Variants in SMARCA4 observed in about 807,000 individuals in gnomAD.
The protein encoded by SMARCA4 is SWI/SNF related BAF chromatin remodeling complex subunit ATPase 4, also known as SWI/SNF-related matrix-associated actin-dependent regulator of chromatin subfamily A member 4.
In SMARCA4, 31 loss-of-function variants were observed where a neutral mutation model predicts 193.9. The observed-to-expected ratio is 0.16, with a 90% confidence interval of 0.12 to 0.22. SMARCA4 has a LOEUF of 0.22. Among genes scored for constraint, SMARCA4 ranks in the 10% least tolerant of loss-of-function variants. SMARCA4 has a pLI of 1.00. For missense variants in SMARCA4, 1,148 were observed against 2,296.0 expected, an observed-to-expected ratio of 0.50 and a Z score of 10.22; for synonymous variants, 942 against 933.1, an observed-to-expected ratio of 1.01 and a Z score of -0.17.
chr19:11,049,078 G>T (rs895963832), intron 30 of SMARCA4, among the ~76,000 whole-genome samples: 1 of 152,196 alleles, frequency 6.6e-6, no homozygotes, highest in African/African-American at 2.4e-5. Context: ...CTGTCCAGGG[G>T]CTTGTGGTGG....
chr19:11,018,540 A>G (rs574618562), intron 16 of SMARCA4, among the ~76,000 whole-genome samples: 11 of 152,146 alleles, frequency 7.2e-5, no homozygotes, highest in Non-Finnish European at 1.6e-4. Flanking sequence ...GGTGGCAGAA[A>G]GACTGTTTGG....
chr19:11,025,700 C>A (rs537151036), intron 22 of SMARCA4, 192 bp downstream of exon 22: 10 of 607,216 alleles, frequency 1.6e-5, no homozygotes, highest in Non-Finnish European at 3.1e-5. Context: ...TAGGGCGCAA[C>A]GTGCGATAGG....
rs760294422 is a variant in SMARCA4, at chr19:10,986,521, C to G, written c.688C>G (p.Pro230Ala). Residue 230 changes from proline to alanine, a missense_variant, in exon 4 of 35, where the codon CCC becomes GCC. Pro to Ala is a conservative substitution (Grantham distance 27). Around this residue, in one of 17 missense-constraint regions of SMARCA4, gnomAD observed 257 missense variants for 276.5 expected, o/e 0.93. Transcript: ENST00000344626. This position sits in a 1 kb window ranked among gnomAD's most constrained non-coding sequence, Gnocchi z 6.7. ...LPPPSVSATG[P>A]GPGPGPGPGP... ...TCCACCCTCGGTGTCCGCAACAGGA[C>G]CCGGCCCTGGCCCTGGCCCTGGCCC... The G allele has an allele frequency of 1.3e-6, 2 of 1,543,904 alleles. No homozygotes were observed. Among genetic ancestry groups the G allele is most frequent in the East Asian group, 4.9e-5 (2 of 40,906 alleles).
At chr19:10,972,146 A>T (rs1290514129) in intron 1 of SMARCA4, among the ~76,000 whole-genome samples, 1 of 151,852 alleles carries the variant, frequency 6.6e-6, no homozygotes, top group African/African-American at 2.4e-5. Context: ...TTTAGTAGAG[A>T]TGAGTTTTAA....
intron 1 of SMARCA4, among the ~76,000 whole-genome samples, chr19:10,978,049 G>A (rs1245697200): frequency 2.0e-5 from 3 of 152,166 alleles, no homozygotes; most frequent in African/African-American, 4.8e-5. Context: ...GGCCCAGTGC[G>A]GGGAGTCTCA....
chr19:11,021,459 A>T, intron 18 of SMARCA4: 1 of 586,946 alleles, frequency 1.7e-6, no homozygotes, highest in Non-Finnish European at 3.2e-6. Flanking sequence ...GGGAAGCCAG[A>T]TTGCTTTTTT....
In SMARCA4 at chr19:10,985,529, T is replaced by G. The variant is rs1599943475; in HGVS notation, c.355+124T>G. ...ACCTAGGATGATGTAGCCGGGTGGG[T>G]GGCCCGCCACAGAGAGCTGTCTGGC... is the stretch of plus-strand genomic sequence containing the variant. On this transcript the variant is annotated intron_variant, in intron 3 of 34. Coordinates refer to ENST00000344626, the MANE Select transcript of SMARCA4 (RefSeq NM_003072.5). This position sits in a 1 kb window ranked among gnomAD's most constrained non-coding sequence, Gnocchi z 4.5. 8.2e-7 allele frequency: 1 copy of G among 1,212,472 alleles called. No homozygotes were observed. Among genetic ancestry groups the G allele is most frequent in the South Asian group, 1.3e-5 (1 of 75,548 alleles). The allele number at this position is 1,212,472 out of a possible 1,614,324, so 75.1% of individuals were successfully genotyped here. A position where few individuals can be genotyped will look rare whatever the true frequency, so the allele number is the denominator to read the frequency against.
intron 9 of SMARCA4, chr19:10,995,478 AGAGTAGTGGAT>A (rs1250973749): frequency 2.2e-6 from 1 of 457,082 alleles, no homozygotes; most frequent in Non-Finnish European, 4.4e-6. Flanking sequence ...TGAAGCAAAC[AGAGTAGTGGAT>A]GGTGACCGCT....
intron 30 of SMARCA4, among the ~76,000 whole-genome samples, chr19:11,055,487 C>T (rs75957461): frequency 0.1 from 15,520 of 151,932 alleles, 1,180 homozygotes; most frequent in African/African-American, 0.21. Flanking sequence ...TGCGCCCAGC[C>T]GCACCTTGTT....
intron 30 of SMARCA4, among the ~76,000 whole-genome samples, chr19:11,046,566 A>T (rs2075932145): frequency 6.6e-6 from 1 of 152,256 alleles, no homozygotes; most frequent in African/African-American, 2.4e-5. Context: ...TGAGTGCTGG[A>T]AGCACAGCAG....
At chr19:10,996,939 A>G (rs2087116384) in intron 11 of SMARCA4, among the ~76,000 whole-genome samples, 1 of 151,926 alleles carries the variant, frequency 6.6e-6, no homozygotes, top group Admixed American at 6.6e-5. Context: ...CGGATGGCTC[A>G]CTGCAGCCTT....
At position 11,033,787 on chromosome 19, in the gene SMARCA4, C is replaced by T. The variant is rs760491416; in HGVS notation, c.3795C>T (p.Gly1265=). The T allele has an allele frequency of 3.8e-6, 3 of 779,846 alleles. No homozygotes were observed. Among genetic ancestry groups the T allele is most frequent in the African/African-American group, 3.4e-5 (2 of 59,146 alleles). 48.3% of individuals were successfully genotyped at this position (779,846 alleles called of 1,614,324 possible). A position where few individuals can be genotyped will look rare whatever the true frequency, so the allele number is the denominator to read the frequency against. The change falls in exon 27 of 35, where the codon GGC becomes GGT. Residue 1265 remains glycine, a synonymous_variant. Transcript: ENST00000344626. The surrounding 1 kb of genome is among the most constrained non-coding windows in gnomAD (Gnocchi z 9.8). ...CACAGAGCAGACACTGCAGCACGGGCAGCGGCAGTGCCAGCTTCGCCCACA... is the reference window on the plus strand; with the variant it reads ...CACAGAGCAGACACTGCAGCACGGGTAGCGGCAGTGCCAGCTTCGCCCACA... ...EQDESRHCST[G]SGSASFAHTA... is the part of the protein sequence containing the mutation.
chr19:11,026,239 C>A lies in SMARCA4; in HGVS notation c.3169-61C>A, dbSNP rs185771358. 1.2e-4 allele frequency: 166 copies of A among 1,350,238 alleles called. No individual in the cohort carries two copies. In the African/African-American group the frequency reaches 2.2e-3, roughly 18 times the overall value. 83.6% of individuals were successfully genotyped at this position (1,350,238 alleles called of 1,614,324 possible). A position where few individuals can be genotyped will look rare whatever the true frequency, so the allele number is the denominator to read the frequency against. On this transcript the variant is annotated intron_variant, in intron 22 of 34. Transcript: ENST00000344626. ...CTGAGCACGAGCGGTGTGTGCGGACCGCAGCGGGGCCCGGTGGCCTGCTCC... is the reference window on the plus strand; with the variant it reads ...CTGAGCACGAGCGGTGTGTGCGGACAGCAGCGGGGCCCGGTGGCCTGCTCC...
Position 11,015,223 on chromosome 19 carries a change from T to TA in SMARCA4, c.2438+2113dup, listed in dbSNP as rs559313962. On this transcript the variant is annotated intron_variant, in intron 16 of 34. Coordinates refer to ENST00000344626, the MANE Select transcript of SMARCA4 (RefSeq NM_003072.5). ...AAGACAATTATGAAAACCAGGAAGA[T>TA]AACATGGACGTAGGACTAATAGCAA... 4.6e-5 allele frequency among the ~76,000 whole-genome samples: 7 copies of TA among 152,334 alleles called. No homozygotes were observed. The South Asian group carries it at 8.3e-4, about 18-fold the overall frequency.
intron 16 of SMARCA4, among the ~76,000 whole-genome samples, chr19:11,013,931 C>T (rs1359461617): frequency 2.0e-5 from 3 of 152,134 alleles, no homozygotes; most frequent in Non-Finnish European, 4.4e-5. Flanking sequence ...CTGCCCACCT[C>T]TCTCGACATC....
chr19:10,992,876 C>G (rs979272785), intron 8 of SMARCA4, among the ~76,000 whole-genome samples: 2 of 152,030 alleles, frequency 1.3e-5, no homozygotes, highest in Non-Finnish European at 2.9e-5. Flanking sequence ...CAGACGTGAG[C>G]CACTGCTCCT....
rs149701863 is a variant in SMARCA4, at chr19:10,985,096, C to G, written c.223-177C>G. Among the ~76,000 whole-genome samples the G allele has an allele frequency of 2.0e-5, 3 of 151,958 alleles. No individual in the cohort carries two copies. Among genetic ancestry groups the G allele is most frequent in the Non-Finnish European group, 4.4e-5 (3 of 68,010 alleles). On this transcript the variant is annotated intron_variant, in intron 2 of 34. Coordinates refer to ENST00000344626, the MANE Select transcript of SMARCA4 (RefSeq NM_003072.5). This position sits in a 1 kb window ranked among gnomAD's most constrained non-coding sequence, Gnocchi z 4.5. ...CGACATTTATTTTGTGTACCTGTCTCGAGGCCTAAGTAGGTGTCAGAACCT... is the reference window on the plus strand; with the variant it reads ...CGACATTTATTTTGTGTACCTGTCTGGAGGCCTAAGTAGGTGTCAGAACCT...
chr19:10,966,280 G>A (rs1448262062), intron 1 of SMARCA4, among the ~76,000 whole-genome samples: 1 of 151,880 alleles, frequency 6.6e-6, no homozygotes, highest in Non-Finnish European at 1.5e-5. Flanking sequence ...TACCGCGCCC[G>A]GCCAGGTTTT....
intron 15 of SMARCA4, among the ~76,000 whole-genome samples, chr19:11,010,744 G>T (rs2088752114): frequency 6.6e-6 from 1 of 152,168 alleles, no homozygotes; most frequent in Admixed American, 6.5e-5. Flanking sequence ...ACAGCAGAAA[G>T]TCAGTGTCTA....
Sources: gnomAD v4.1 joint callset for allele counts (sites outside exome capture counted in the v4.1 genomes callset) on GRCh38, gnomAD v4.1.1 for gene constraint, gnomAD v4.1.1 regional missense constraint, Gnocchi (gnomAD v3.1) non-coding constraint, MANE v1.5 for transcripts, NCBI Gene and HGNC (gene_info 2026-07-23, HGNC 2026-07-21) for gene names.